Variants in KCNH1 observed in about 807,000 individuals in gnomAD.
KCNH1 encodes the protein potassium voltage-gated channel subfamily H member 1, also known as voltage-gated delayed rectifier potassium channel KCNH1.
In KCNH1, 27 loss-of-function variants were observed where a neutral mutation model predicts 69.2. The observed-to-expected ratio is 0.39, with a 90% CI of 0.29 to 0.54. The LOEUF is 0.54. Among genes scored for constraint, KCNH1 ranks in the 20% least tolerant of loss-of-function variants. The pLI is 0.68. For synonymous variants in KCNH1, 456 were observed against 487.7 expected, an observed-to-expected ratio of 0.93 and a Z score of 0.86; for missense variants, 798 against 1,261.6, an observed-to-expected ratio of 0.63 and a Z score of 5.57.
chr1:210,953,057 T>G (rs762988652), intron 6 of KCNH1, among the ~76,000 whole-genome samples: 1 of 152,202 alleles, frequency 6.6e-6, no homozygotes, highest in Non-Finnish European at 1.5e-5. Flanking sequence ...TTGACCCAGA[T>G]AATCAAAGCT....
chr1:210,833,906 T>A (rs1685223362), intron 7 of KCNH1, among the ~76,000 whole-genome samples: 1 of 152,168 alleles, frequency 6.6e-6, no homozygotes, highest in Admixed American at 6.5e-5. Context: ...AAAGAAGACA[T>A]TTATGCAGAC....
chr1:210,714,545 T>G (rs1183060494), intron 10 of KCNH1, among the ~76,000 whole-genome samples: 1 of 152,136 alleles, frequency 6.6e-6, no homozygotes. Context: ...GCTTGTGACA[T>G]CCACACAAGG....
Position 211,134,140 on chromosome 1 carries a change from T to A in KCNH1, c.-195A>T. ...CGCGCCTCCCTCCCTGCGGCCCGCCTCGCAGTGCACTCGCGCCGGCCTCGG... is the reference window on the plus strand; with the variant it reads ...CGCGCCTCCCTCCCTGCGGCCCGCCACGCAGTGCACTCGCGCCGGCCTCGG... On this transcript the variant is annotated 5_prime_UTR_variant, in exon 1 of 11. Coordinates refer to ENST00000271751, the MANE Select transcript of KCNH1 (RefSeq NM_172362.3). This position sits in a 1 kb window ranked among gnomAD's most constrained non-coding sequence, Gnocchi z 5.7. The A allele has an allele frequency of 2.2e-6, 1 of 453,350 alleles. No homozygotes were observed. Among genetic ancestry groups the A allele is most frequent in the Non-Finnish European group, 3.9e-6 (1 of 257,530 alleles). 28.1% of individuals were successfully genotyped at this position (453,350 alleles called of 1,614,324 possible).
chr1:210,804,338 C>T (rs1215255234), intron 7 of KCNH1, among the ~76,000 whole-genome samples, 172 bp from the exon 8 acceptor site: 2 of 152,080 alleles, frequency 1.3e-5, no homozygotes, highest in Non-Finnish European at 2.9e-5. Context: ...CTTCTGGGGG[C>T]ATGGATGCAA....
At chr1:211,002,353 T>TATATATATATAC (rs1553369892) in intron 6 of KCNH1, among the ~76,000 whole-genome samples, 1 of 144,996 alleles carries the variant, frequency 6.9e-6, no homozygotes, top group Non-Finnish European at 1.5e-5. Flanking sequence ...TATATATATA[T>TATATATATATAC]ACACACACAC....
intron 1 of KCNH1, among the ~76,000 whole-genome samples, chr1:211,130,269 G>A (rs1042646601): frequency 1.3e-5 from 2 of 152,092 alleles, no homozygotes; most frequent in African/African-American, 2.4e-5. Context: ...GCCTACTTAC[G>A]GCAATTTAAA....
chr1:210,928,455 TCCAGAATGA>T lies in KCNH1; in HGVS notation c.1033-8395_1033-8387del, dbSNP rs1230324794. On this transcript the variant is annotated intron_variant, in intron 6 of 10. Transcript: ENST00000271751. ...AATACATGGAAATTAAATAACCTACTCCAGAATGATCATTGGGTCAACAATGAAATCCAG... is the reference window on the plus strand; with the variant it reads ...AATACATGGAAATTAAATAACCTACTTCATTGGGTCAACAATGAAATCCAG... Among the ~76,000 whole-genome samples the T allele has an allele frequency of 2.6e-5, 4 of 152,244 alleles. No individual in the cohort carries two copies. The South Asian group carries it at 6.2e-4, about 24-fold the overall frequency.
At chr1:210,847,372 C>T (rs892295610) in intron 7 of KCNH1, among the ~76,000 whole-genome samples, 8 of 152,144 alleles carry the variant, frequency 5.3e-5, no homozygotes, top group Admixed American at 3.3e-4. Flanking sequence ...AAATGTGGCA[C>T]ATATTCACAA....
chr1:210,707,936 C>G (rs1241541758), intron 10 of KCNH1, among the ~76,000 whole-genome samples: 2 of 152,166 alleles, frequency 1.3e-5, no homozygotes, highest in Admixed American at 6.5e-5. Flanking sequence ...TTGTCTACCA[C>G]TCACTCTTAA....
At chr1:211,128,507 T>C (rs1433831004) in intron 1 of KCNH1, among the ~76,000 whole-genome samples, 1 of 151,962 alleles carries the variant, frequency 6.6e-6, no homozygotes, top group Non-Finnish European at 1.5e-5. Context: ...GTGATCACCA[T>C]AAAATCAGGA....
chr1:210,886,290 C>T lies in KCNH1; in HGVS notation c.1462+33350G>A, dbSNP rs147142938. 4.1e-3 allele frequency among the ~76,000 whole-genome samples: 623 copies of T among 152,170 alleles called. 6 individuals are homozygous for T. The highest frequency in any genetic ancestry group is 0.014 in the African/African-American group (566 of 41,514). ...GACCTCCAGCAAACTCCAGCAGACC[C>T]GCAGCAGAGCAGCCTGATTGATAGA... On this transcript the variant is annotated intron_variant, in intron 7 of 10. Transcript: ENST00000271751.
Position 211,040,190 on chromosome 1 carries a change from CA to C in KCNH1, c.559-20935del, listed in dbSNP as rs35260257. Among the ~76,000 whole-genome samples, 277 of 108,586 alleles carry C rather than the reference CA, an allele frequency of 2.6e-3. 1 individual carries two copies. The highest frequency in any genetic ancestry group is 4.9e-3 in the Middle Eastern group (1 of 204). The allele number at this position is 108,586 out of a possible 152,430, so 71.2% of individuals were successfully genotyped here. On this transcript the variant is annotated intron_variant, in intron 5 of 10. Coordinates refer to ENST00000271751, the MANE Select transcript of KCNH1 (RefSeq NM_172362.3). ...TGGGCAACAGAGCAAGACTCCGTCT[CA>C]AAAAAAAAAAAAAAAAGACTTCGGG...
At chr1:210,846,462 A>G (rs1262023204) in intron 7 of KCNH1, among the ~76,000 whole-genome samples, 5 of 152,174 alleles carry the variant, frequency 3.3e-5, no homozygotes, top group African/African-American at 1.2e-4. Flanking sequence ...CAAACCTGAG[A>G]AAAACAAGCA....
chr1:210,688,270 C>A (rs905853368), intron 10 of KCNH1, among the ~76,000 whole-genome samples: 2 of 152,162 alleles, frequency 1.3e-5, no homozygotes, highest in African/African-American at 4.8e-5. Context: ...TTGTGTATAG[C>A]CCTAACAGAT....
chr1:210,886,842 C>T (rs113284475), intron 7 of KCNH1, among the ~76,000 whole-genome samples: 9 of 151,408 alleles, frequency 5.9e-5, no homozygotes, highest in African/African-American at 1.5e-4. Flanking sequence ...AGCCAAAATT[C>T]GAGAAAAAAG....
At chr1:210,693,413 T>C (rs1414286721) in intron 10 of KCNH1, among the ~76,000 whole-genome samples, 1 of 152,138 alleles carries the variant, frequency 6.6e-6, no homozygotes, top group Admixed American at 6.5e-5. Flanking sequence ...AAGTAGATAA[T>C]CAGGCCGGTA....
Position 210,909,604 on chromosome 1 carries a change from A to G in KCNH1, c.1462+10036T>C, listed in dbSNP as rs986798066. On this transcript the variant is annotated intron_variant, in intron 7 of 10. Coordinates refer to ENST00000271751, the MANE Select transcript of KCNH1 (RefSeq NM_172362.3). ...TTCCTGACTATTAAGTAGTGCAGAC[A>G]AGATCCATACCCATGCTTGTCTCCT... Among the ~76,000 whole-genome samples, 5 of 152,236 alleles carry G rather than the reference A, an allele frequency of 3.3e-5. No individual in the cohort carries two copies. The East Asian group carries it at 9.6e-4, about 29-fold the overall frequency.
At chr1:211,101,908 T>C (rs900798995) in intron 3 of KCNH1, among the ~76,000 whole-genome samples, 1 of 152,206 alleles carries the variant, frequency 6.6e-6, no homozygotes, top group African/African-American at 2.4e-5. Context: ...GAAAATGCTT[T>C]AGTATCACCC....
In KCNH1 at chr1:210,782,394, T is replaced by C. The variant is rs528170170; in HGVS notation, c.1916-6850A>G. Among the ~76,000 whole-genome samples the C allele has an allele frequency of 1.7e-3, 263 of 152,270 alleles. 2 individuals are homozygous for C. Among genetic ancestry groups the C allele is most frequent in the African/African-American group, 6.0e-3 (250 of 41,548 alleles). On this transcript the variant is annotated intron_variant, in intron 9 of 10. Transcript: ENST00000271751. ...GGTATTTGGAGGTGAGATCTCTAGA[T>C]GATAACTGGGTCATGAAGATGGAAC...
Sources: allele counts gnomAD v4.1 joint callset (sites outside exome capture counted in the v4.1 genomes callset), GRCh38; gene constraint gnomAD v4.1.1; non-coding constraint Gnocchi (gnomAD v3.1); transcripts MANE v1.5; gene names NCBI Gene and HGNC (gene_info 2026-07-23, HGNC 2026-07-21).